The following TRPM3 variants were observed in gnomAD, a reference collection of about 807,000 sequenced individuals.
The protein encoded by TRPM3 is transient receptor potential cation channel subfamily M member 3.
Under a neutral mutation model 181.2 loss-of-function variants are expected in TRPM3, and 77 were observed. The ratio of observed to expected loss-of-function variants is 0.42; its 90% confidence interval spans 0.35 to 0.51. The LOEUF (loss-of-function observed/expected upper bound fraction) is 0.51, where lower values mean the gene tolerates loss of function less well. Among genes scored for constraint, TRPM3 ranks in the 20% least tolerant of loss-of-function variants. The pLI is 0.01. For synonymous variants in TRPM3, 745 were observed against 796.4 expected, an observed-to-expected ratio of 0.94 and a Z score of 1.09; for missense variants, 1,759 against 2,196.7, an observed-to-expected ratio of 0.80 and a Z score of 3.98.
rs71507003 is a variant in TRPM3, at chr9:70,653,677, C to CAAAAA, written c.1346-13022_1346-13018dup. Among the ~76,000 whole-genome samples the CAAAAA allele has an allele frequency of 5.8e-4, 60 of 102,890 alleles. 1 individual carries two copies. Among genetic ancestry groups the CAAAAA allele is most frequent in the South Asian group, 1.0e-3 (3 of 2,914 alleles). The allele number at this position is 102,890 out of a possible 152,430, so 67.5% of individuals were successfully genotyped here. ...TGGTTTCTGAGTTTGCTTCCTGTCTCAAAAAAAAAAAAAAAAAAAAAAACA... is the reference window on the plus strand; with the variant it reads ...TGGTTTCTGAGTTTGCTTCCTGTCTCAAAAAAAAAAAAAAAAAAAAAAAAAAAACA... On this transcript the variant is annotated intron_variant, in intron 9 of 25. Coordinates refer to ENST00000677713, the MANE Select transcript of TRPM3 (RefSeq NM_001366145.2).
chr9:70,897,905 T>C (rs563007419), intron 1 of TRPM3, among the ~76,000 whole-genome samples: 136 of 152,240 alleles, frequency 8.9e-4, no homozygotes, highest in Admixed American at 1.7e-3. Flanking sequence ...AAGGCTCACG[T>C]TGTGTAGGGA....
intron 5 of TRPM3, among the ~76,000 whole-genome samples, chr9:70,839,826 C>T (rs1457886722): frequency 6.6e-6 from 1 of 151,996 alleles, no homozygotes; most frequent in Non-Finnish European, 1.5e-5. Flanking sequence ...TTTAATAATA[C>T]ATTGTTTTGT....
chr9:70,990,086 A>AGCTAATAAG (rs1215748752), intron 1 of TRPM3, among the ~76,000 whole-genome samples: 1 of 152,192 alleles, frequency 6.6e-6, no homozygotes, highest in Non-Finnish European at 1.5e-5. Context: ...CAAATCACAT[A>AGCTAATAAG]GCTAATAAGT....
At chr9:70,831,962 A>AATATATATATATATTTATATATATAT (rs1554730387) in intron 5 of TRPM3, among the ~76,000 whole-genome samples, 2 of 64,254 alleles carry the variant, frequency 3.1e-5, no homozygotes, top group African/African-American at 1.5e-4. Context: ...GTACCCCATA[A>AATATATATATATATTTATATATATAT]ATATATATAT....
intron 25 of TRPM3, among the ~76,000 whole-genome samples, chr9:70,539,275 G>A (rs190933631): frequency 3.3e-5 from 5 of 152,162 alleles, no homozygotes; most frequent in South Asian, 2.1e-4. Flanking sequence ...AATACAAGAG[G>A]CATGTGGATC....
intron 1 of TRPM3, among the ~76,000 whole-genome samples, chr9:71,255,631 A>G (rs989814171): frequency 4.5e-4 from 69 of 152,318 alleles, no homozygotes; most frequent in African/African-American, 1.5e-3. Context: ...ATTCTGGTTT[A>G]ATTTCTTGAG....
At chr9:70,576,232 C>G (rs529326631) in intron 22 of TRPM3, among the ~76,000 whole-genome samples, 28 of 152,296 alleles carry the variant, frequency 1.8e-4, no homozygotes, top group Non-Finnish European at 2.5e-4. Flanking sequence ...TTCTGGGAAG[C>G]CTTCAATGGT....
chr9:70,940,577 G>A (rs537351141), intron 1 of TRPM3, among the ~76,000 whole-genome samples: 1 of 152,004 alleles, frequency 6.6e-6, no homozygotes, highest in Non-Finnish European at 1.5e-5. Context: ...TAGACACTAA[G>A]GAAGTAAAAA....
At chr9:70,607,312 C>T (rs192129201) in intron 19 of TRPM3, among the ~76,000 whole-genome samples, 1 of 152,306 alleles carries the variant, frequency 6.6e-6, no homozygotes, top group East Asian at 1.9e-4. Context: ...ATGGGACCTT[C>T]AATCTGAAAT....
chr9:70,810,898 T>C (rs1214308043), intron 6 of TRPM3, among the ~76,000 whole-genome samples: 4 of 152,140 alleles, frequency 2.6e-5, no homozygotes, highest in African/African-American at 9.7e-5. Flanking sequence ...TATATGAAAA[T>C]GCCTAGCATG....
intron 3 of TRPM3, among the ~76,000 whole-genome samples, chr9:70,849,280 G>C (rs7027846): frequency 0.57 from 86,635 of 151,868 alleles, 25,098 homozygotes; most frequent in Non-Finnish European, 0.58. Flanking sequence ...AAGTAGCTGG[G>C]ATTACAGGTG....
chr9:70,844,146 C>T (rs564382991), intron 4 of TRPM3, among the ~76,000 whole-genome samples: 2 of 152,302 alleles, frequency 1.3e-5, no homozygotes, highest in South Asian at 2.1e-4. Context: ...CATCTTCCTA[C>T]ACCTCAGGGG....
chr9:71,260,764 C>T (rs778750617), intron 1 of TRPM3, among the ~76,000 whole-genome samples: 1 of 152,206 alleles, frequency 6.6e-6, no homozygotes, highest in Non-Finnish European at 1.5e-5. Context: ...TGCTTATCAA[C>T]TTAAGGCGTT....
intron 1 of TRPM3, among the ~76,000 whole-genome samples, chr9:71,064,509 C>T (rs1004093596): frequency 1.7e-4 from 26 of 151,504 alleles, no homozygotes; most frequent in African/African-American, 6.1e-4. Context: ...AAAGACATTT[C>T]CCCCTGTAGT....
chr9:71,043,802 G>A (rs1303508516), intron 1 of TRPM3, among the ~76,000 whole-genome samples: 1 of 152,156 alleles, frequency 6.6e-6, no homozygotes, highest in Non-Finnish European at 1.5e-5. Context: ...GCCCTTCTAG[G>A]AATTTCAGTG....
At chr9:71,324,287 G>C (rs1019583669) in intron 1 of TRPM3, among the ~76,000 whole-genome samples, 1 of 152,004 alleles carries the variant, frequency 6.6e-6, no homozygotes, top group Admixed American at 6.6e-5. Flanking sequence ...ATATATAAAT[G>C]AAAGTCTTAG....
At chr9:70,980,634 C>T (rs116682853) in intron 1 of TRPM3, among the ~76,000 whole-genome samples, 214 of 152,264 alleles carry the variant, frequency 1.4e-3, no homozygotes, top group African/African-American at 4.9e-3. Flanking sequence ...TTCTTCTGTA[C>T]TCCTCCTGTT....
intron 1 of TRPM3, among the ~76,000 whole-genome samples, chr9:70,982,381 T>C (rs189813620): frequency 6.6e-6 from 1 of 152,316 alleles, no homozygotes; most frequent in Admixed American, 6.5e-5. Context: ...AGGGACCCTC[T>C]TGAAAATGAC....
rs764020537 is a variant in TRPM3, at chr9:70,862,911, G to A, written c.459C>T (p.Ala153=). 6.8e-6 allele frequency: 11 copies of A among 1,613,208 alleles called. No individual in the cohort carries two copies. In the East Asian group the frequency reaches 2.5e-4, roughly 36 times the overall value. ...AACTGAATGGCTTTCTGATTACCAT[G>A]GCTTTGTTGGAATGGCCACCTCCTT... ...EFQGGGHSNK[A]MYVRVSFDTK... Residue 153 remains alanine, a synonymous_variant, in exon 3 of 26, where the codon GCC becomes GCT. Transcript: ENST00000677713.
Sources: gnomAD v4.1 joint callset for allele counts (sites outside exome capture counted in the v4.1 genomes callset) on GRCh38, gnomAD v4.1.1 for gene constraint, MANE v1.5 for transcripts, NCBI Gene and HGNC (gene_info 2026-07-23, HGNC 2026-07-21) for gene names.